MSRA: variants seen among roughly 807,000 people sequenced by gnomAD.
The protein encoded by MSRA is methionine sulfoxide reductase A, also known as mitochondrial peptide methionine sulfoxide reductase.
A neutral mutation model predicts 31.3 loss-of-function variants in MSRA; 54 were observed. The ratio of observed to expected loss-of-function variants is 1.73; its 90% confidence interval spans 1.39 to 2.17. The LOEUF is 2.17. Ranked by LOEUF, MSRA falls within the 30% of genes most tolerant of loss-of-function variation. The pLI is 0.00. For missense variants in MSRA, 507 were observed against 300.9 expected (o/e 1.69, Z -5.07); for synonymous variants, 169 against 116.5 (o/e 1.45, Z -2.90).
At chr8:10,093,877 A>T (rs962067141) in intron 1 of MSRA, among the ~76,000 whole-genome samples, 1 of 152,162 alleles carries the variant, frequency 6.6e-6, no homozygotes, top group African/African-American at 2.4e-5. Context: ...AGTTTTGCTG[A>T]CATAGAATTC....
chr8:10,068,926 A>C (rs986350871), intron 1 of MSRA, among the ~76,000 whole-genome samples: 2 of 152,188 alleles, frequency 1.3e-5, no homozygotes, highest in African/African-American at 2.4e-5. Flanking sequence ...CACATGGACT[A>C]TCTCTCCATT....
At chr8:10,251,006 G>C (rs1797888116) in intron 3 of MSRA, 1 of 152,336 alleles carries the variant, frequency 6.6e-6, no homozygotes, top group East Asian at 1.9e-4. Flanking sequence ...GCATTGCTTG[G>C]CAGGGCTGGG....
intron 1 of MSRA, among the ~76,000 whole-genome samples, chr8:10,121,936 C>T (rs561582589): frequency 5.0e-4 from 76 of 152,000 alleles, no homozygotes; most frequent in African/African-American, 1.8e-3. Context: ...CTTCCTTGGG[C>T]TCCCAAAGTA....
intron 1 of MSRA, among the ~76,000 whole-genome samples, chr8:10,134,087 C>T (rs1048516312): frequency 3.3e-5 from 5 of 152,188 alleles, no homozygotes; most frequent in Non-Finnish European, 5.9e-5. Context: ...CCACCTCAGC[C>T]TTCCAAAGTG....
intron 1 of MSRA, among the ~76,000 whole-genome samples, chr8:10,115,160 A>C (rs1242414965): frequency 6.6e-6 from 1 of 152,250 alleles, no homozygotes; most frequent in Non-Finnish European, 1.5e-5. Context: ...CAACTGGCTT[A>C]CTATGTCAAA....
At chr8:10,137,714 T>C (rs997361863) in intron 1 of MSRA, among the ~76,000 whole-genome samples, 1 of 152,024 alleles carries the variant, frequency 6.6e-6, no homozygotes, top group African/African-American at 2.4e-5. Context: ...GTGGGAGTGG[T>C]GACTGGGGAG....
At chr8:10,406,395 A>G (rs1368383489) in intron 5 of MSRA, among the ~76,000 whole-genome samples, 1 of 152,272 alleles carries the variant, frequency 6.6e-6, no homozygotes, top group Non-Finnish European at 1.5e-5. Flanking sequence ...CTTTCATTTT[A>G]GAGATGAGCA....
intron 3 of MSRA, among the ~76,000 whole-genome samples, chr8:10,276,118 C>T (rs537727827): frequency 2.0e-5 from 3 of 152,256 alleles, no homozygotes; most frequent in African/African-American, 4.8e-5. Flanking sequence ...GGGAAACAGG[C>T]GACACATGTA....
At chr8:10,264,022 G>A (rs1368185573) in intron 3 of MSRA, among the ~76,000 whole-genome samples, 3 of 152,076 alleles carry the variant, frequency 2.0e-5, no homozygotes, top group Admixed American at 6.5e-5. Flanking sequence ...TCAGATCTGT[G>A]TGTCTACTTG....
intron 2 of MSRA, among the ~76,000 whole-genome samples, chr8:10,238,969 A>G (rs1191640617): frequency 6.6e-6 from 1 of 152,218 alleles, no homozygotes; most frequent in Non-Finnish European, 1.5e-5. Flanking sequence ...AGCAAATCAG[A>G]TATGAGGTAA....
chr8:10,353,656 G>A, intron 5 of MSRA: 1 of 456,206 alleles, frequency 2.2e-6, no homozygotes, highest in South Asian at 1.5e-5. Flanking sequence ...ACACAGACTG[G>A]GCTGCAGACG....
intron 5 of MSRA, among the ~76,000 whole-genome samples, chr8:10,417,142 G>T (rs1229194319): frequency 1.3e-5 from 2 of 152,146 alleles, no homozygotes; most frequent in African/African-American, 4.8e-5. Context: ...GACCAAGTTA[G>T]ATCTAATTGT....
At position 10,066,667 on chromosome 8, in the gene MSRA, G is replaced by A. The variant is rs118061499; in HGVS notation, c.142+12009G>A. ...TTCTGCCTCAGCCTTCCGAGTAGAT[G>A]GGATTACAGGCATCCGTCACCAGAC... On this transcript the variant is annotated intron_variant, in intron 1 of 5. Transcript: ENST00000317173. Among the ~76,000 whole-genome samples the A allele has an allele frequency of 6.3e-3, 953 of 152,192 alleles. 5 individuals carry two copies. Among genetic ancestry groups the A allele is most frequent in the Middle Eastern group, 0.01 (3 of 294 alleles).
intron 2 of MSRA, among the ~76,000 whole-genome samples, chr8:10,208,655 A>C (rs954649941): frequency 1.3e-5 from 2 of 151,432 alleles, no homozygotes; most frequent in Non-Finnish European, 2.9e-5. Context: ...TCTGGGGTTC[A>C]TCCCTGTGTT....
rs532243734 is a variant in MSRA at position 10,301,631 on chromosome 8, G to C, written c.429G>C (p.Pro143=). The C allele has an allele frequency of 1.2e-6, 2 of 1,613,274 alleles. No individual in the cohort carries two copies. The highest frequency in any genetic ancestry group is 1.7e-6 in the Non-Finnish European group (2 of 1,179,368). Reference sequence around the variant, plus strand: ...AGGTCTTCTGGGAGAATCACGACCCGACCCAAGGTAGAGTGATGAGTGAGC... The same window carrying C: ...AGGTCTTCTGGGAGAATCACGACCCCACCCAAGGTAGAGTGATGAGTGAGC... ...LLKVFWENHD[P]TQGMRQGNDH... The change falls in exon 4 of 6, where the codon CCG becomes CCC. Residue 143 remains proline (P), a synonymous_variant. Coordinates refer to ENST00000317173, the MANE Select transcript of MSRA (RefSeq NM_012331.5).
chr8:10,113,585 A>C (rs1052061707), intron 1 of MSRA, among the ~76,000 whole-genome samples: 1 of 151,568 alleles, frequency 6.6e-6, no homozygotes, highest in Non-Finnish European at 1.5e-5. Context: ...GATTTGAATA[A>C]AGTAGGTAAT....
intron 5 of MSRA, among the ~76,000 whole-genome samples, chr8:10,345,565 A>G (rs193146944): frequency 5.9e-5 from 9 of 152,356 alleles, no homozygotes; most frequent in Non-Finnish European, 1.0e-4. Context: ...AGAATCTTCA[A>G]AGTGGTAGAG....
In MSRA at chr8:10,155,521, C is replaced by T. The variant is rs117522983; in HGVS notation, c.143-52312C>T. On this transcript the variant is annotated intron_variant, in intron 1 of 5. Coordinates refer to ENST00000317173, the MANE Select transcript of MSRA (RefSeq NM_012331.5). ...AGCGTAGAAGCTGTGCCATCCCAGC[C>T]ATTATGAGCATCTCTCATGCCCAGA... Among the ~76,000 whole-genome samples, 5 of 152,272 alleles carry T rather than the reference C, an allele frequency of 3.3e-5. No individual in the cohort carries two copies. In the East Asian group the frequency reaches 5.8e-4, roughly 18 times the overall value.
At chr8:10,190,793 G>A (rs1807441132) in intron 1 of MSRA, among the ~76,000 whole-genome samples, 1 of 152,128 alleles carries the variant, frequency 6.6e-6, no homozygotes, top group African/African-American at 2.4e-5. Context: ...TTTCAAGAAG[G>A]GTAGGAGACA....
Sources: allele counts gnomAD v4.1 joint callset (sites outside exome capture counted in the v4.1 genomes callset), GRCh38; gene constraint gnomAD v4.1.1; transcripts MANE v1.5; gene names NCBI Gene and HGNC (gene_info 2026-07-23, HGNC 2026-07-21).